ADGRL2: variants seen among roughly 807,000 people sequenced by gnomAD.
ADGRL2 encodes adhesion G protein-coupled receptor L2, also known as calcium-independent alpha-latrotoxin receptor 2.
A neutral mutation model predicts 157.4 loss-of-function variants in ADGRL2; 44 were observed. The observed-to-expected ratio is 0.28, with a 90% CI of 0.22 to 0.36. The LOEUF is 0.36. ADGRL2 is among the 10% of genes least tolerant of loss of function. ADGRL2 has a pLI of 1.00. For synonymous variants in ADGRL2, 585 were observed against 624.7 expected, an observed-to-expected ratio of 0.94 and a Z score of 0.95; for missense variants, 1,510 against 1,768.9, an observed-to-expected ratio of 0.85 and a Z score of 2.63.
chr1:81,961,943 C>T (rs2149230062), intron 11 of ADGRL2, among the ~76,000 whole-genome samples: 1 of 152,164 alleles, frequency 6.6e-6, no homozygotes, highest in East Asian at 1.9e-4. Context: ...GTGGCTTCTG[C>T]TTTTTTCCTG....
intron 2 of ADGRL2, among the ~76,000 whole-genome samples, chr1:81,574,123 T>G (rs1283949141): frequency 6.6e-6 from 1 of 152,044 alleles, no homozygotes; most frequent in East Asian, 1.9e-4. Context: ...ATGAATTTTT[T>G]TTTAAGTTGC....
intron 3 of ADGRL2, among the ~76,000 whole-genome samples, chr1:81,675,702 C>T (rs746376077): frequency 7.2e-5 from 11 of 151,994 alleles, no homozygotes; most frequent in Non-Finnish European, 1.6e-4. Context: ...CTGCCTCAGC[C>T]TCCCGAGTAG....
intron 2 of ADGRL2, among the ~76,000 whole-genome samples, chr1:81,763,597 A>AG (rs1257512319): frequency 6.6e-6 from 1 of 150,458 alleles, no homozygotes; most frequent in African/African-American, 2.5e-5. Flanking sequence ...TCAAAAAAAA[A>AG]AAAAGGGCCA....
intron 1 of ADGRL2, among the ~76,000 whole-genome samples, chr1:81,417,131 A>T (rs572542037): frequency 1.3e-5 from 2 of 152,104 alleles, no homozygotes; most frequent in East Asian, 3.8e-4. Context: ...AATTTTCCCG[A>T]ATTACATTTT....
At chr1:81,631,579 C>T (rs865872935) in intron 3 of ADGRL2, among the ~76,000 whole-genome samples, 8 of 152,104 alleles carry the variant, frequency 5.3e-5, no homozygotes, top group African/African-American at 1.7e-4. Context: ...AATTACGCAC[C>T]GATATCTAGG....
chr1:81,595,811 C>T (rs550175527), intron 3 of ADGRL2, among the ~76,000 whole-genome samples: 11 of 152,278 alleles, frequency 7.2e-5, no homozygotes, highest in Non-Finnish European at 1.3e-4. Context: ...GCTGCTATAA[C>T]AGAATGCTAT....
chr1:81,557,483 AAG>A (rs1491030736), intron 2 of ADGRL2: 39 of 9,730 alleles, frequency 4.0e-3, no homozygotes, highest in African/African-American at 0.011. Flanking sequence ...AGAAAGAAAG[AAG>A]AAAGAAAGAA....
At chr1:81,427,078 A>G in intron 1 of ADGRL2, 1 of 1,453,556 alleles carries the variant, frequency 6.9e-7, no homozygotes, top group Non-Finnish European at 9.6e-7. Context: ...TGTGAAGTGA[A>G]AAGGCCCTTT....
At chr1:81,485,296 GGTCTATAAGA>G (rs1395324945) in intron 2 of ADGRL2, among the ~76,000 whole-genome samples, 1 of 151,798 alleles carries the variant, frequency 6.6e-6, no homozygotes, top group Non-Finnish European at 1.5e-5. Flanking sequence ...AAAATGTAGG[GGTCTATAAGA>G]GAAGATCCCC....
chr1:81,494,986 A>C (rs2147975289), intron 2 of ADGRL2, among the ~76,000 whole-genome samples: 1 of 152,176 alleles, frequency 6.6e-6, no homozygotes, highest in East Asian at 1.9e-4. Context: ...ATAACTATTA[A>C]CTCCTTTTAA....
At chr1:81,731,514 T>G (rs1346600821) in intron 1 of ADGRL2, among the ~76,000 whole-genome samples, 1 of 152,114 alleles carries the variant, frequency 6.6e-6, no homozygotes, top group Non-Finnish European at 1.5e-5. Flanking sequence ...CTTTTTTTTT[T>G]GCAGCATATA....
chr1:81,526,501 A>G (rs1424527807), intron 2 of ADGRL2, among the ~76,000 whole-genome samples: 1 of 152,222 alleles, frequency 6.6e-6, no homozygotes, highest in Non-Finnish European at 1.5e-5. Context: ...TTAAAAATAT[A>G]AAGAAAGAAA....
intron 2 of ADGRL2, chr1:81,501,784 G>A: frequency 7.0e-7 from 1 of 1,437,792 alleles, no homozygotes; most frequent in Non-Finnish European, 9.5e-7. Flanking sequence ...AGCCACTTCA[G>A]CAGCAGCAGC....
rs1259469521 is a variant in ADGRL2, at chr1:81,426,180, G to T, written c.-301-18856G>T. On this transcript the variant is annotated intron_variant, in intron 1 of 24. Coordinates refer to the ADGRL2 transcript ENST00000370721. ...TTATGGTTGGACAATAGGGTGGTTTGACCTAATGATAAACTGGGCAGAACT... is the reference window on the plus strand; with the variant it reads ...TTATGGTTGGACAATAGGGTGGTTTTACCTAATGATAAACTGGGCAGAACT... Among the ~76,000 whole-genome samples, 4 of 152,310 alleles carry T rather than the reference G, an allele frequency of 2.6e-5. No individual in the cohort carries two copies. In the East Asian group the frequency reaches 7.7e-4, roughly 29 times the overall value.
At chr1:81,941,964 A>G in intron 4 of ADGRL2, 70 bp from the exon 5 acceptor site, 3 of 713,494 alleles carry the variant, frequency 4.2e-6, no homozygotes, top group Non-Finnish European at 7.8e-6. Flanking sequence ...CTAATAGTCA[A>G]TTTATTTTAA....
intron 3 of ADGRL2, among the ~76,000 whole-genome samples, chr1:81,682,239 A>C (rs764326739): frequency 6.6e-6 from 1 of 152,106 alleles, no homozygotes; most frequent in Non-Finnish European, 1.5e-5. Flanking sequence ...AGATGCATAC[A>C]CATTGTTTTC....
chr1:81,469,895 G>C (rs1329228101), intron 2 of ADGRL2, among the ~76,000 whole-genome samples: 1 of 152,068 alleles, frequency 6.6e-6, no homozygotes, highest in Non-Finnish European at 1.5e-5. Context: ...CTTTTCATAG[G>C]CTCCTTCTGT....
chr1:81,840,640 C>CT (rs2092537345), intron 2 of ADGRL2, among the ~76,000 whole-genome samples: 2 of 151,916 alleles, frequency 1.3e-5, no homozygotes, highest in East Asian at 3.9e-4. Context: ...TAAAATTTAC[C>CT]TGTTTGTGTA....
intron 1 of ADGRL2, among the ~76,000 whole-genome samples, chr1:81,408,420 C>G (rs545834075): frequency 1.4e-4 from 21 of 152,156 alleles, no homozygotes; most frequent in African/African-American, 4.6e-4. Flanking sequence ...CCTCACTGTA[C>G]TTGATAAAAG....
Sources: gnomAD v4.1 joint callset for allele counts (sites outside exome capture counted in the v4.1 genomes callset) on GRCh38, gnomAD v4.1.1 for gene constraint, MANE v1.5 for transcripts, NCBI Gene and HGNC (gene_info 2026-07-23, HGNC 2026-07-21) for gene names.